PIAS1: variants seen among roughly 807,000 people sequenced by gnomAD.
The protein encoded by PIAS1 is protein inhibitor of activated STAT 1.
Under a neutral mutation model 71.3 loss-of-function variants are expected in PIAS1, and 6 were observed. That is an observed-to-expected ratio of 0.08 (90% CI 0.05 to 0.17). The LOEUF (loss-of-function observed/expected upper bound fraction) is 0.17. Among genes scored for constraint, PIAS1 ranks in the 10% least tolerant of loss-of-function variants. The pLI is 1.00. For synonymous variants in PIAS1, 303 were observed against 292.9 expected (o/e 1.03, Z -0.35); for missense variants, 555 against 793.6 (o/e 0.70, Z 3.61).
At chr15:68,091,077 T>C (rs8029670) in intron 2 of PIAS1, among the ~76,000 whole-genome samples, 64,686 of 151,750 alleles carry the variant, frequency 0.43, 14,845 homozygotes, top group East Asian at 0.8. Context: ...CTTGATAGGA[T>C]GTTGAGCACA....
Position 68,142,302 on chromosome 15 carries a change from G to T in PIAS1, c.567G>T (p.Gly189=). ...CTGTCTCTTCTAGGGATATTTCTGG[G>T]ACCAAATGTGACTTCACAGTACAGG... The part of the protein sequence containing the change: ...QQISSSMDIS[G]TKCDFTVQVQ... The change falls in exon 4 of 14, where the codon GGG becomes GGT. Residue 189 remains glycine, a synonymous_variant. Coordinates refer to ENST00000249636, the MANE Select transcript of PIAS1 (RefSeq NM_016166.3). 6.2e-7 allele frequency: 1 copy of T among 1,605,392 alleles called. No homozygotes were observed.
chr15:68,127,076 G>T (rs8034743), intron 2 of PIAS1, among the ~76,000 whole-genome samples: 1 of 151,920 alleles, frequency 6.6e-6, no homozygotes, highest in East Asian at 1.9e-4. Context: ...GACTACAGGC[G>T]CACCATGCTG....
chr15:68,067,209 A>C (rs1204158563), intron 1 of PIAS1, among the ~76,000 whole-genome samples: 1 of 152,098 alleles, frequency 6.6e-6, no homozygotes, highest in Non-Finnish European at 1.5e-5. Flanking sequence ...AAGTTGTCTC[A>C]TGGATATTTA....
At chr15:68,165,954 G>A (rs1310808593) in intron 8 of PIAS1, among the ~76,000 whole-genome samples, 1 of 152,112 alleles carries the variant, frequency 6.6e-6, no homozygotes, top group Non-Finnish European at 1.5e-5. Context: ...AATCTCAGAT[G>A]ATGATGAAGT....
intron 2 of PIAS1, among the ~76,000 whole-genome samples, chr15:68,135,272 G>A (rs1595755067): frequency 3.7e-5 from 1 of 27,378 alleles, no homozygotes; most frequent in Non-Finnish European, 1.5e-4. Flanking sequence ...CGGACGGGGC[G>A]GCTGGCCGGG....
chr15:68,155,037 C>T (rs2092877514), intron 7 of PIAS1, among the ~76,000 whole-genome samples: 1 of 152,044 alleles, frequency 6.6e-6, no homozygotes. Context: ...AGAGGGAATA[C>T]CAAGAAATAA....
chr15:68,129,482 AAAAC>A (rs1300557949), intron 2 of PIAS1, among the ~76,000 whole-genome samples: 7 of 152,308 alleles, frequency 4.6e-5, no homozygotes, highest in South Asian at 2.1e-4. Flanking sequence ...TGAGTATACT[AAAAC>A]AAAGATTTTT....
intron 12 of PIAS1, among the ~76,000 whole-genome samples, chr15:68,182,417 T>G (rs1260500125): frequency 1.5e-5 from 2 of 134,300 alleles, no homozygotes; most frequent in Non-Finnish European, 3.1e-5. Flanking sequence ...TCCCGGGAAG[T>G]TACAGCTAGT....
intron 1 of PIAS1, chr15:68,055,181 C>G (rs1328037283): frequency 4.1e-6 from 4 of 984,474 alleles, no homozygotes; most frequent in Non-Finnish European, 3.6e-6. Context: ...GTGAGAGGAG[C>G]CTTTGGGGGT....
At chr15:68,127,948 A>G (rs533109545) in intron 2 of PIAS1, among the ~76,000 whole-genome samples, 2 of 152,134 alleles carry the variant, frequency 1.3e-5, no homozygotes, top group African/African-American at 4.8e-5. Flanking sequence ...TATTTTTAGT[A>G]GAGATGGGGT....
intron 2 of PIAS1, among the ~76,000 whole-genome samples, chr15:68,096,300 G>A (rs77282797): frequency 6.6e-6 from 1 of 152,222 alleles, no homozygotes; most frequent in African/African-American, 2.4e-5. Flanking sequence ...ATGTCTTTAT[G>A]TCAAGACCAC....
At position 68,187,664 on chromosome 15, in the gene PIAS1, A is replaced by C. The variant is rs773024485; in HGVS notation, c.1785A>C (p.Ala595=). 6 of 1,614,020 alleles carry C rather than the reference A, an allele frequency of 3.7e-6. No homozygotes were observed. Among genetic ancestry groups the C allele is most frequent in the Admixed American group, 1.7e-5 (1 of 60,020 alleles). ...AGATGTTTCTTGATCAGTTAAGTGC[A>C]GGAGGCAGTACTTCTCTGCCAACCA... is the stretch of plus-strand genomic sequence containing the variant. ...SSQMFLDQLS[A]GGSTSLPTTN... The change falls in exon 14 of 14, where the codon GCA becomes GCC. Residue 595 remains alanine, a synonymous_variant. Transcript: ENST00000249636. This position sits in a 1 kb window ranked among gnomAD's most constrained non-coding sequence, Gnocchi z 5.3.
chr15:68,062,103 G>C (rs1057063253), intron 1 of PIAS1, among the ~76,000 whole-genome samples: 3 of 152,176 alleles, frequency 2.0e-5, no homozygotes, highest in Non-Finnish European at 4.4e-5. Flanking sequence ...TCATATCTTC[G>C]CTCTTTTTTC....
At chr15:68,114,043 C>T (rs1299869747) in intron 2 of PIAS1, among the ~76,000 whole-genome samples, 1 of 117,360 alleles carries the variant, frequency 8.5e-6, no homozygotes, top group African/African-American at 2.8e-5. Flanking sequence ...CACACACACA[C>T]ACACACACAC....
intron 1 of PIAS1, among the ~76,000 whole-genome samples, chr15:68,080,790 C>A (rs1446008595): frequency 1.3e-5 from 2 of 152,136 alleles, no homozygotes; most frequent in African/African-American, 2.4e-5. Context: ...ATTATTAAAT[C>A]CCTATTTTGT....
At chr15:68,103,245 T>G (rs2092443034) in intron 2 of PIAS1, among the ~76,000 whole-genome samples, 1 of 151,452 alleles carries the variant, frequency 6.6e-6, no homozygotes, top group Non-Finnish European at 1.5e-5. Flanking sequence ...ATTTTGATCT[T>G]AGGGGGAAAG....
At chr15:68,183,305 T>A (rs2093067639) in intron 12 of PIAS1, among the ~76,000 whole-genome samples, 1 of 152,186 alleles carries the variant, frequency 6.6e-6, no homozygotes, top group South Asian at 2.1e-4. Flanking sequence ...TAGAGCAGAT[T>A]GAAAGTTTCC....
intron 2 of PIAS1, among the ~76,000 whole-genome samples, chr15:68,100,393 C>T (rs1415250109): frequency 1.3e-5 from 2 of 152,178 alleles, no homozygotes; most frequent in African/African-American, 4.8e-5. Flanking sequence ...ACAAGACTCC[C>T]TCTTGCTAAC....
intron 2 of PIAS1, among the ~76,000 whole-genome samples, chr15:68,134,600 C>T (rs1173038954): frequency 3.7e-5 from 1 of 27,314 alleles, no homozygotes; most frequent in African/African-American, 6.7e-5. Context: ...CCAGACGGGG[C>T]GGCTGGCCGG....
Sources: gnomAD v4.1 joint callset for allele counts (sites outside exome capture counted in the v4.1 genomes callset) on GRCh38, gnomAD v4.1.1 for gene constraint, Gnocchi (gnomAD v3.1) non-coding constraint, MANE v1.5 for transcripts, NCBI Gene and HGNC (gene_info 2026-07-23, HGNC 2026-07-21) for gene names.